ARHGAP29: variants seen among roughly 807,000 people sequenced by gnomAD.
The protein encoded by ARHGAP29 is Rho GTPase activating protein 29, also known as rho GTPase-activating protein 29.
In ARHGAP29, 43 loss-of-function variants were observed where a neutral mutation model predicts 122.6. That is an observed-to-expected ratio of 0.35 (90% CI 0.27 to 0.45). ARHGAP29 has a LOEUF of 0.45. ARHGAP29 is among the 20% of genes least tolerant of loss of function. ARHGAP29 has a pLI of 1.00. For missense variants in ARHGAP29, 1,303 were observed against 1,477.2 expected (o/e 0.88, Z 1.93); for synonymous variants, 506 against 497.1 (o/e 1.02, Z -0.24).
intron 1 of ARHGAP29, among the ~76,000 whole-genome samples, chr1:94,259,966 C>T (rs1654495275): frequency 6.6e-6 from 1 of 152,148 alleles, no homozygotes; most frequent in South Asian, 2.1e-4. Flanking sequence ...GGAAAAGTGT[C>T]CTCCCTGCAT....
At chr1:94,302,375 T>A in the ARHGAP29 span, 1 of 332,218 alleles carries the variant, frequency 3.0e-6, no homozygotes, top group Non-Finnish European at 5.8e-6. Context: ...GCCAAAAGGG[T>A]CATTACCTCT....
chr1:94,295,745 A>ACACAATGTGGAATCTTCTAATTCCT, the ARHGAP29 span, among the ~76,000 whole-genome samples: 1 of 152,244 alleles, frequency 6.6e-6, no homozygotes, highest in Non-Finnish European at 1.5e-5. Flanking sequence ...TTCTAATTCC[A>ACACAATGTGGAATCTTCTAATTCCT]CACAATGTGG....
chr1:94,307,480 T>C, the ARHGAP29 span, among the ~76,000 whole-genome samples: 1 of 152,094 alleles, frequency 6.6e-6, no homozygotes, highest in South Asian at 2.1e-4. Context: ...GAAAAGTAAA[T>C]ACATAGGAAT....
At chr1:94,201,653 G>A (rs1650858349) in intron 12 of ARHGAP29, 67 bp downstream of exon 12, 10 of 1,589,022 alleles carry the variant, frequency 6.3e-6, no homozygotes, top group African/African-American at 1.4e-5. Flanking sequence ...GATTACAGGT[G>A]TGAGCCACCA....
chr1:94,308,472 A>G, the ARHGAP29 span, among the ~76,000 whole-genome samples: 1 of 152,222 alleles, frequency 6.6e-6, no homozygotes, highest in African/African-American at 2.4e-5. Flanking sequence ...TTCTACAGAA[A>G]CACATAGTGT....
upstream of ARHGAP29, among the ~76,000 whole-genome samples, chr1:94,277,478 A>G (rs1325471860): frequency 2.6e-5 from 4 of 152,166 alleles, no homozygotes; most frequent in East Asian, 7.7e-4. Flanking sequence ...GCCTACTTTT[A>G]CCATTTTAAA....
Position 94,223,044 on chromosome 1 carries a change from C to T in ARHGAP29, c.206-2652G>A, listed in dbSNP as rs1453365575. 2.6e-5 allele frequency among the ~76,000 whole-genome samples: 4 copies of T among 151,922 alleles called. No homozygotes were observed. The South Asian group carries it at 6.2e-4, about 24-fold the overall frequency. ...CTGCAAGCTCCGCCTCCTGGGTTCA[C>T]GCCATTCTCCTGCCTCAGCCTCCCG... On this transcript the variant is annotated intron_variant, in intron 2 of 22. Coordinates refer to ENST00000260526, the MANE Select transcript of ARHGAP29 (RefSeq NM_004815.4).
intron 19 of ARHGAP29, among the ~76,000 whole-genome samples, chr1:94,181,123 G>A (rs1455683215): frequency 6.6e-6 from 1 of 152,190 alleles, no homozygotes; most frequent in African/African-American, 2.4e-5. Flanking sequence ...TTCATAAGCT[G>A]AAGAGTTGAA....
At chr1:94,265,416 A>G (rs1441939522) in intron 1 of ARHGAP29, among the ~76,000 whole-genome samples, 3 of 152,136 alleles carry the variant, frequency 2.0e-5, no homozygotes, top group Non-Finnish European at 4.4e-5. Context: ...AACCCCTCCA[A>G]TTTCAGTTTT....
intron 1 of ARHGAP29, chr1:94,250,397 G>A (rs1398766580): frequency 1.3e-5 from 2 of 152,236 alleles, no homozygotes; most frequent in Non-Finnish European, 2.9e-5. Context: ...CAACCATGAT[G>A]AATAATGCCT....
At chr1:94,179,649 G>T in intron 20 of ARHGAP29, 76 bp downstream of exon 20, 2 of 854,628 alleles carry the variant, frequency 2.3e-6, no homozygotes, top group Non-Finnish European at 3.5e-6. Context: ...TTTGTTATGT[G>T]GATTTTACCA....
At chr1:94,308,186 A>C in the ARHGAP29 span, among the ~76,000 whole-genome samples, 1 of 152,220 alleles carries the variant, frequency 6.6e-6, no homozygotes, top group South Asian at 2.1e-4. Context: ...CCCAAATGAT[A>C]ATAATCCTTC....
the ARHGAP29 span, among the ~76,000 whole-genome samples, chr1:94,282,377 C>T: frequency 6.6e-6 from 1 of 151,960 alleles, no homozygotes; most frequent in Admixed American, 6.6e-5. Context: ...CCTTGACCTC[C>T]TGGACTCAAG....
chr1:94,312,725 C>A, the ARHGAP29 span, among the ~76,000 whole-genome samples: 1 of 152,166 alleles, frequency 6.6e-6, no homozygotes, highest in Non-Finnish European at 1.5e-5. Context: ...AGCCACCACA[C>A]CCTGGTCCTG....
At chr1:94,228,384 A>T (rs1055044441) in intron 2 of ARHGAP29, among the ~76,000 whole-genome samples, 1 of 151,782 alleles carries the variant, frequency 6.6e-6, no homozygotes, top group Non-Finnish European at 1.5e-5. Flanking sequence ...TGAATCACAG[A>T]TTCGTAAAAC....
rs1049526611 is a variant in ARHGAP29, at chr1:94,171,061, C to T, written c.*2808G>A. ...CCTGCCTGTAGGAAAGAAAAACCCA[C>T]AGAATTCCACTGACTATAAGTTATT... On this transcript the variant is annotated 3_prime_UTR_variant, in exon 23 of 23. Transcript: ENST00000260526. Among the ~76,000 whole-genome samples, 2 of 152,190 alleles carry T rather than the reference C, an allele frequency of 1.3e-5. No individual in the cohort carries two copies. The highest frequency in any genetic ancestry group is 2.9e-5 in the Non-Finnish European group (2 of 68,030).
chr1:94,233,350 AT>A (rs1432510458), intron 1 of ARHGAP29, among the ~76,000 whole-genome samples: 1 of 151,892 alleles, frequency 6.6e-6, no homozygotes, highest in African/African-American at 2.4e-5. Flanking sequence ...TCCATAGTTC[AT>A]TTTTCTTTCT....
intron 1 of ARHGAP29, among the ~76,000 whole-genome samples, chr1:94,235,090 T>C (rs7533977): frequency 0.88 from 134,401 of 152,078 alleles, 59,607 homozygotes; most frequent in Non-Finnish European, 0.92. Context: ...AGGAACTCTT[T>C]TCCTCTTATA....
At chr1:94,259,352 C>G (rs534243144) in intron 1 of ARHGAP29, among the ~76,000 whole-genome samples, 50 of 152,236 alleles carry the variant, frequency 3.3e-4, no homozygotes, top group Admixed American at 3.1e-3. Flanking sequence ...AATTTTTGTT[C>G]TAGTATTAAT....
Sources: allele counts gnomAD v4.1 joint callset (sites outside exome capture counted in the v4.1 genomes callset), GRCh38; gene constraint gnomAD v4.1.1; transcripts MANE v1.5; gene names NCBI Gene and HGNC (gene_info 2026-07-23, HGNC 2026-07-21).